The following PTPRM variants were observed in gnomAD, a reference collection of about 807,000 sequenced individuals.
PTPRM encodes protein tyrosine phosphatase receptor type M.
In PTPRM, 47 loss-of-function variants were observed where a neutral mutation model predicts 186.7. The observed-to-expected ratio is 0.25, with a 90% CI of 0.20 to 0.32. The LOEUF is 0.32. Among genes scored for constraint, PTPRM ranks in the 10% least tolerant of loss-of-function variants. PTPRM has a pLI of 1.00. For synonymous variants in PTPRM, 668 were observed against 674.9 expected (o/e 0.99, Z 0.16); for missense variants, 1,494 against 1,865.0 (o/e 0.80, Z 3.66).
intron 2 of PTPRM, among the ~76,000 whole-genome samples, chr18:7,804,397 C>A (rs149997056): frequency 6.6e-6 from 1 of 152,308 alleles, no homozygotes; most frequent in African/African-American, 2.4e-5. Context: ...GACTACCCTG[C>A]TATTCAGGCA....
intron 3 of PTPRM, among the ~76,000 whole-genome samples, chr18:7,892,458 T>G (rs1384124125): frequency 2.0e-5 from 3 of 152,326 alleles, no homozygotes; most frequent in African/African-American, 7.2e-5. Flanking sequence ...GAATTCTTAC[T>G]TATCTTGAGC....
chr18:7,567,786 C>G lies in PTPRM; in HGVS notation c.-33C>G. The G allele has an allele frequency of 6.6e-7, 1 of 1,510,696 alleles. No homozygotes were observed. The highest frequency in any genetic ancestry group is 8.8e-7 in the Non-Finnish European group (1 of 1,136,374). The allele number at this position is 1,510,696 out of a possible 1,614,324, so 93.6% of individuals were successfully genotyped here. Reference sequence around the variant, plus strand: ...CCGCCCTCGCGCGCCCACCCACCGCCGCCGGGGAGCGGCCCGGCCCGCACT... The same window carrying G: ...CCGCCCTCGCGCGCCCACCCACCGCGGCCGGGGAGCGGCCCGGCCCGCACT... On this transcript the variant is annotated 5_prime_UTR_variant, in exon 1 of 33. Transcript: ENST00000580170. This position sits in a 1 kb window ranked among gnomAD's most constrained non-coding sequence, Gnocchi z 4.3.
At chr18:8,246,780 C>T (rs75250406) in intron 15 of PTPRM, among the ~76,000 whole-genome samples, 5,798 of 152,240 alleles carry the variant, frequency 0.038, 145 homozygotes, top group Middle Eastern at 0.21. Context: ...TGTTCTGTCA[C>T]GTACTGATTC....
intron 3 of PTPRM, among the ~76,000 whole-genome samples, chr18:7,889,380 G>A (rs377255022): frequency 1.2e-4 from 16 of 130,960 alleles, no homozygotes; most frequent in Non-Finnish European, 1.7e-4. Context: ...TCCATCACCC[G>A]GGCTGGAGTA....
chr18:7,741,536 T>C (rs2040884705), intron 1 of PTPRM: 1 of 152,258 alleles, frequency 6.6e-6, no homozygotes. Flanking sequence ...TGTTGGTCAC[T>C]GATATTTTCA....
At chr18:8,231,418 A>T (rs7232749) in intron 14 of PTPRM, among the ~76,000 whole-genome samples, 8,142 of 152,208 alleles carry the variant, frequency 0.053, 730 homozygotes, top group African/African-American at 0.19. Context: ...CCTTCCAGCC[A>T]GGTGGCAATT....
At chr18:8,235,456 C>CTTTTTTTT (rs58166609) in intron 14 of PTPRM, among the ~76,000 whole-genome samples, 94 of 102,292 alleles carry the variant, frequency 9.2e-4, no homozygotes, top group East Asian at 2.4e-3. Flanking sequence ...TCTGTGTCTT[C>CTTTTTTTT]TTTTTTTTTT....
At chr18:7,622,813 T>C (rs2037971738) in intron 1 of PTPRM, among the ~76,000 whole-genome samples, 1 of 152,040 alleles carries the variant, frequency 6.6e-6, no homozygotes, top group Non-Finnish European at 1.5e-5. Context: ...AATCTGAGAG[T>C]TGAGAGTGAA....
intron 1 of PTPRM, among the ~76,000 whole-genome samples, chr18:7,720,016 AGC>A (rs1336673012): frequency 6.6e-6 from 1 of 152,174 alleles, no homozygotes. Flanking sequence ...TGGGTGAGAT[AGC>A]AAGACCCCGT....
chr18:8,192,887 A>G (rs2093727248), intron 14 of PTPRM, among the ~76,000 whole-genome samples: 1 of 152,192 alleles, frequency 6.6e-6, no homozygotes. Context: ...AAATAGAAGA[A>G]TCTAGTAGTC....
chr18:8,150,379 CTTTA>C (rs2092977749), intron 14 of PTPRM, among the ~76,000 whole-genome samples: 1 of 152,070 alleles, frequency 6.6e-6, no homozygotes, highest in Non-Finnish European at 1.5e-5. Context: ...TGTCTTCTCA[CTTTA>C]TTTCATTAAG....
intron 19 of PTPRM, among the ~76,000 whole-genome samples, chr18:8,257,583 T>C (rs1480926690): frequency 6.6e-6 from 1 of 152,212 alleles, no homozygotes; most frequent in Non-Finnish European, 1.5e-5. Flanking sequence ...TTGTTCTATC[T>C]CTATTCAAAA....
intron 7 of PTPRM, among the ~76,000 whole-genome samples, chr18:7,961,907 A>C (rs2053707655): frequency 6.6e-6 from 1 of 152,198 alleles, no homozygotes; most frequent in Admixed American, 6.5e-5. Flanking sequence ...AGCTTTTTAC[A>C]TAACTATAAT....
At chr18:7,623,929 ACACTTG>A (rs2037999243) in intron 1 of PTPRM, among the ~76,000 whole-genome samples, 1 of 152,168 alleles carries the variant, frequency 6.6e-6, no homozygotes, top group African/African-American at 2.4e-5. Flanking sequence ...TGCCTTGGGC[ACACTTG>A]GAGTGAACTG....
chr18:8,150,819 G>A (rs911140335), intron 14 of PTPRM, among the ~76,000 whole-genome samples: 48 of 152,288 alleles, frequency 3.2e-4, no homozygotes, highest in African/African-American at 1.1e-3. Flanking sequence ...GTGACCTTCA[G>A]ATGGGGTCTT....
chr18:7,644,587 A>G (rs1233295932), intron 1 of PTPRM, among the ~76,000 whole-genome samples: 3 of 152,166 alleles, frequency 2.0e-5, no homozygotes, highest in African/African-American at 7.2e-5. Flanking sequence ...GAGTAGGGGA[A>G]TAGAAAGAGA....
At chr18:7,781,287 T>TA (rs1249831713) in intron 2 of PTPRM, among the ~76,000 whole-genome samples, 1 of 152,124 alleles carries the variant, frequency 6.6e-6, no homozygotes, top group Admixed American at 6.6e-5. Context: ...ATACAATAAT[T>TA]AAAAAAAGTC....
intron 1 of PTPRM, among the ~76,000 whole-genome samples, chr18:7,738,200 C>T (rs2040811582): frequency 6.6e-6 from 1 of 152,150 alleles, no homozygotes; most frequent in Admixed American, 6.5e-5. Flanking sequence ...AAAATAGGAA[C>T]CATTGCAATC....
Position 8,210,572 on chromosome 18 carries a change from C to T in PTPRM, c.2301-33486C>T, listed in dbSNP as rs961027511. Among the ~76,000 whole-genome samples the T allele has an allele frequency of 4.6e-5, 7 of 152,090 alleles. 1 individual carries two copies. The highest frequency in any genetic ancestry group is 4.1e-4 in the South Asian group (2 of 4,824). On this transcript the variant is annotated intron_variant, in intron 14 of 32. Transcript: ENST00000580170. ...GAGATAAATTTCTCTTGTTCTGATC[C>T]GCCCAATTTAGGGTACTTTTTACAG...
Sources: gnomAD v4.1 joint callset for allele counts (sites outside exome capture counted in the v4.1 genomes callset) on GRCh38, gnomAD v4.1.1 for gene constraint, Gnocchi (gnomAD v3.1) non-coding constraint, MANE v1.5 for transcripts, NCBI Gene and HGNC (gene_info 2026-07-23, HGNC 2026-07-21) for gene names.